MGST1: variants seen among roughly 807,000 people sequenced by gnomAD.
MGST1 encodes the protein microsomal glutathione S-transferase 1, also known as glutathione S-transferase 12.
Under a neutral mutation model 8.9 loss-of-function variants are expected in MGST1, and 5 were observed. The observed-to-expected ratio is 0.56, with a 90% CI of 0.29 to 1.19. MGST1 has a LOEUF of 1.19. MGST1 is among the 50% of genes most tolerant of loss of function. The probability of loss-of-function intolerance (pLI) is 0.08; values close to 1 mark genes in which losing one functional copy is unlikely to be tolerated. For synonymous variants in MGST1, 54 were observed against 67.8 expected (o/e 0.80, Z 1.00); for missense variants, 182 against 187.4 (o/e 0.97, Z 0.17).
Position 16,560,298 on chromosome 12 carries a change from GA to G in MGST1, n.483-29225del. ...GCATGGGATTAAAGTTTACAGAACAGAAAAACGCTGAGATTGATTGCTTTAA... is the reference window on the plus strand; with the variant it reads ...GCATGGGATTAAAGTTTACAGAACAGAAAACGCTGAGATTGATTGCTTTAA... On this transcript the variant is annotated intron_variant and non_coding_transcript_variant, in intron 4 of 4. Transcript: ENST00000538857. The surrounding 1 kb of genome is among the most constrained non-coding windows in gnomAD (Gnocchi z 5.0). 8.2e-7 allele frequency: 1 copy of G among 1,213,078 alleles called. No homozygotes were observed. Among genetic ancestry groups the G allele is most frequent in the Non-Finnish European group, 1.1e-6 (1 of 882,280 alleles). 75.1% of individuals were successfully genotyped at this position (1,213,078 alleles called of 1,614,324 possible).
chr12:16,383,549 C>T (rs1031335249), exon 1 of MGST1: 8 of 152,172 alleles, frequency 5.3e-5, no homozygotes, highest in African/African-American at 1.7e-4. Flanking sequence ...GCAACCTCTG[C>T]CTCCCGGATT....
chr12:16,373,360 TTAA>T (rs898770614), intron 3 of MGST1, among the ~76,000 whole-genome samples: 21 of 151,904 alleles, frequency 1.4e-4, no homozygotes, highest in Non-Finnish European at 2.6e-4. Flanking sequence ...GTGACTATAG[TTAA>T]TAATAATTTA....
intron 4 of MGST1, among the ~76,000 whole-genome samples, chr12:16,534,807 C>T (rs764548063): frequency 6.6e-6 from 1 of 152,104 alleles, no homozygotes; most frequent in African/African-American, 2.4e-5. Context: ...ACATGCTAGG[C>T]AATCAATTGG....
Position 16,560,311 on chromosome 12 carries a change from A to C in MGST1, n.483-29217A>C. The C allele has an allele frequency of 7.7e-7, 1 of 1,290,358 alleles. No homozygotes were observed. The highest frequency in any genetic ancestry group is 1.1e-6 in the Non-Finnish European group (1 of 943,110). 79.9% of individuals were successfully genotyped at this position (1,290,358 alleles called of 1,614,324 possible). The stretch of plus-strand genomic sequence containing the variant: ...GTTTACAGAACAGAAAAACGCTGAG[A>C]TTGATTGCTTTAAATGTATGAATAT... On this transcript the variant is annotated intron_variant and non_coding_transcript_variant, in intron 4 of 4. Coordinates refer to the MGST1 transcript ENST00000538857. This position sits in a 1 kb window ranked among gnomAD's most constrained non-coding sequence, Gnocchi z 5.0.
intron 1 of MGST1, among the ~76,000 whole-genome samples, chr12:16,431,595 C>T (rs1039169463): frequency 6.6e-6 from 1 of 152,034 alleles, no homozygotes; most frequent in Admixed American, 6.6e-5. Flanking sequence ...CCACAGTACA[C>T]CATCTTGTAT....
intron 4 of MGST1, among the ~76,000 whole-genome samples, chr12:16,480,858 G>T (rs1216401682): frequency 3.3e-5 from 5 of 152,056 alleles, no homozygotes; most frequent in Non-Finnish European, 1.5e-5. Context: ...ACCATTTGAG[G>T]CCAGTTTGAG....
intron 4 of MGST1, among the ~76,000 whole-genome samples, chr12:16,519,600 G>A (rs1261870740): frequency 1.3e-5 from 2 of 151,510 alleles, no homozygotes; most frequent in Non-Finnish European, 2.9e-5. Context: ...TATATATTGT[G>A]TATATCTTTT....
Position 16,500,820 on chromosome 12 carries a change from T to C in MGST1, n.483-88708T>C, listed in dbSNP as rs768933088. 6.6e-6 allele frequency among the ~76,000 whole-genome samples: 1 copy of C among 152,088 alleles called. No homozygotes were observed. Among genetic ancestry groups the C allele is most frequent in the Non-Finnish European group, 1.5e-5 (1 of 68,006 alleles). ...TCTTTTTGTTCAATGAAAATGTACT[T>C]AGAGGTTGGGCGTGGTGGCTCACGC... On this transcript the variant is annotated intron_variant and non_coding_transcript_variant, in intron 4 of 4. Transcript: ENST00000538857. This position sits in a 1 kb window ranked among gnomAD's most constrained non-coding sequence, Gnocchi z 4.3.
chr12:16,353,262 C>T (rs1199518462), intron 1 of MGST1, among the ~76,000 whole-genome samples: 3 of 151,906 alleles, frequency 2.0e-5, no homozygotes, highest in Admixed American at 2.0e-4. Flanking sequence ...CTTGATCTCT[C>T]GACCTCGTGA....
chr12:16,409,920 A>T (rs1277926715), intron 1 of MGST1, among the ~76,000 whole-genome samples: 1 of 152,196 alleles, frequency 6.6e-6, no homozygotes, highest in Non-Finnish European at 1.5e-5. Context: ...AGCCACTCAG[A>T]TAACATATAT....
chr12:16,428,228 C>T (rs1469118221), intron 1 of MGST1, among the ~76,000 whole-genome samples: 2 of 150,378 alleles, frequency 1.3e-5, no homozygotes, highest in Non-Finnish European at 3.0e-5. Context: ...TTTTTTTTCG[C>T]CTTTTTTGAG....
chr12:16,460,270 C>A (rs1941208364), intron 4 of MGST1, among the ~76,000 whole-genome samples: 1 of 152,068 alleles, frequency 6.6e-6, no homozygotes, highest in Non-Finnish European at 1.5e-5. Context: ...TATTATCATT[C>A]AATGAAGCAG....
At chr12:16,407,707 A>C (rs1363082408) in intron 1 of MGST1, among the ~76,000 whole-genome samples, 2 of 152,166 alleles carry the variant, frequency 1.3e-5, no homozygotes, top group Non-Finnish European at 2.9e-5. Flanking sequence ...AATATGGTAC[A>C]CATACACCAT....
intron 1 of MGST1, among the ~76,000 whole-genome samples, chr12:16,387,875 C>A (rs1171230830): frequency 6.6e-6 from 1 of 151,544 alleles, no homozygotes; most frequent in East Asian, 2.0e-4. Flanking sequence ...TACACAAATA[C>A]TTACCATTGC....
At chr12:16,369,401 C>T (rs1237976472), downstream of MGST1, among the ~76,000 whole-genome samples, 3 of 152,040 alleles carry the variant, frequency 2.0e-5, no homozygotes, top group African/African-American at 4.8e-5. The surrounding 1 kb of genome is among the most constrained non-coding windows in gnomAD (Gnocchi z 4.8). Flanking sequence ...GGTAGCCAGG[C>T]GGTCCTGCTG....
rs1941822182 is a variant in MGST1 at position 16,546,074 on chromosome 12, T to G, written n.483-43454T>G. On this transcript the variant is annotated intron_variant and non_coding_transcript_variant, in intron 4 of 4. Coordinates refer to the MGST1 transcript ENST00000538857. This position sits in a 1 kb window ranked among gnomAD's most constrained non-coding sequence, Gnocchi z 4.7. ...TAATAGTACCTGTGTCACAGGGGTG[T>G]TGTGGGAATTACATGCGTGTGCAGA... Among the ~76,000 whole-genome samples, 1 of 152,032 alleles carries G rather than the reference T, an allele frequency of 6.6e-6. No individual in the cohort carries two copies. The highest frequency in any genetic ancestry group is 2.1e-4 in the South Asian group (1 of 4,828).
At chr12:16,387,100 T>G (rs1232265892) in intron 1 of MGST1, among the ~76,000 whole-genome samples, 1 of 152,232 alleles carries the variant, frequency 6.6e-6, no homozygotes, top group African/African-American at 2.4e-5. Flanking sequence ...TGTGCCTAAT[T>G]TGTAAATTAA....
chr12:16,487,699 G>T (rs898249187), intron 4 of MGST1, among the ~76,000 whole-genome samples: 1 of 152,136 alleles, frequency 6.6e-6, no homozygotes, highest in East Asian at 1.9e-4. Flanking sequence ...CCAGGCTGGA[G>T]GGCAGTGGCG....
chr12:16,535,368 G>T (rs758622591), intron 4 of MGST1, among the ~76,000 whole-genome samples: 4 of 152,140 alleles, frequency 2.6e-5, no homozygotes, highest in Admixed American at 6.5e-5. Context: ...TGCAAAACAG[G>T]CCTGGGAAAG....
Sources: allele counts gnomAD v4.1 joint callset (sites outside exome capture counted in the v4.1 genomes callset), GRCh38; gene constraint gnomAD v4.1.1; non-coding constraint Gnocchi (gnomAD v3.1); transcripts MANE v1.5; gene names NCBI Gene and HGNC (gene_info 2026-07-23, HGNC 2026-07-21).